Variants in PIK3C2A observed in about 807,000 individuals in gnomAD.
PIK3C2A encodes the protein phosphatidylinositol-4-phosphate 3-kinase catalytic subunit type 2 alpha.
A neutral mutation model predicts 204.5 loss-of-function variants in PIK3C2A; 97 were observed. The ratio of observed to expected loss-of-function variants is 0.47; its 90% CI spans 0.40 to 0.56. The LOEUF is 0.56. Ranked by LOEUF, PIK3C2A falls within the 20% of genes least tolerant of loss-of-function variation. PIK3C2A has a pLI of 0.00. For missense variants in PIK3C2A, 1,735 were observed against 1,969.2 expected, an observed-to-expected ratio of 0.88 and a Z score of 2.25; for synonymous variants, 653 against 664.4, an observed-to-expected ratio of 0.98 and a Z score of 0.26.
At chr11:17,133,885 G>A (rs34941502) in intron 11 of PIK3C2A, among the ~76,000 whole-genome samples, 35,897 of 151,494 alleles carry the variant, frequency 0.24, 5,296 homozygotes, top group East Asian at 0.38. Flanking sequence ...CCGAGATCAC[G>A]CCACTGCACT....
intron 19 of PIK3C2A, among the ~76,000 whole-genome samples, chr11:17,115,145 T>C (rs1192306802): frequency 6.6e-6 from 1 of 152,140 alleles, no homozygotes; most frequent in East Asian, 1.9e-4. Flanking sequence ...AAATTGCAAG[T>C]GTCCCCTGAA....
chr11:17,115,699 T>A (rs1849162011), intron 19 of PIK3C2A: 1 of 152,166 alleles, frequency 6.6e-6, no homozygotes. Context: ...CATCGTAGTG[T>A]AGGGGGCATG....
chr11:17,191,548 A>C (rs1851944786), intron 1 of PIK3C2A, among the ~76,000 whole-genome samples: 1 of 152,196 alleles, frequency 6.6e-6, no homozygotes, highest in Non-Finnish European at 1.5e-5. Context: ...CCAACATTTG[A>C]GACCCTCTTG....
intron 23 of PIK3C2A, among the ~76,000 whole-genome samples, chr11:17,103,505 A>G (rs960040597): frequency 1.3e-5 from 2 of 152,178 alleles, no homozygotes; most frequent in East Asian, 1.9e-4. Context: ...TGACTTGCCC[A>G]TGTAGTTAAT....
chr11:17,138,659 GTTAGTAAATATTTTAGGCT>G (rs1849957023), intron 8 of PIK3C2A, among the ~76,000 whole-genome samples: 1 of 152,186 alleles, frequency 6.6e-6, no homozygotes, highest in Admixed American at 6.5e-5. Context: ...TAAAAGGCCA[GTTAGTAAATATTTTAGGCT>G]TTGTGGGCCA....
chr11:17,152,345 A>C (rs1310763068), intron 3 of PIK3C2A, among the ~76,000 whole-genome samples: 1 of 152,140 alleles, frequency 6.6e-6, no homozygotes, highest in Non-Finnish European at 1.5e-5. Context: ...ATTTCTTCTA[A>C]TCCATGGTTT....
At chr11:17,118,445 A>G (rs1382619564) in intron 18 of PIK3C2A, among the ~76,000 whole-genome samples, 200 bp downstream of exon 18, 1 of 152,182 alleles carries the variant, frequency 6.6e-6, no homozygotes, top group Non-Finnish European at 1.5e-5. Context: ...TTACAGAGCT[A>G]TAAGACACCA....
intron 15 of PIK3C2A, 151 bp downstream of exon 15, chr11:17,122,037 A>G (rs1849382412): frequency 2.1e-6 from 1 of 485,186 alleles, no homozygotes; most frequent in African/African-American, 2.0e-5. Context: ...TTAAAAAAAA[A>G]AAAAAGGAAA....
intron 2 of PIK3C2A, among the ~76,000 whole-genome samples, chr11:17,159,291 C>A (rs1439306468): frequency 6.6e-6 from 1 of 152,210 alleles, no homozygotes; most frequent in Non-Finnish European, 1.5e-5. Flanking sequence ...GCAATCCTCA[C>A]ACTGTATAAC....
rs1239496150 is a variant in PIK3C2A, at chr11:17,100,251, G to T, written c.4009-282C>A. 3.0e-4 allele frequency among the ~76,000 whole-genome samples: 13 copies of T among 43,888 alleles called. 1 individual carries two copies. In the South Asian group the frequency reaches 0.013, roughly 45 times the overall value. 28.8% of individuals were successfully genotyped at this position (43,888 alleles called of 152,430 possible). ...TGTCTAGGCTCTTTTTTTGGGGGCG[G>T]GGGGGGGGGGCAGGGAGCCGGGTGC... is the stretch of plus-strand genomic sequence containing the variant. On this transcript the variant is annotated intron_variant, in intron 25 of 32. Coordinates refer to ENST00000691414, the MANE Select transcript of PIK3C2A (RefSeq NM_002645.4).
intron 8 of PIK3C2A, among the ~76,000 whole-genome samples, chr11:17,138,623 A>G (rs1362618895): frequency 6.6e-6 from 1 of 152,118 alleles, no homozygotes; most frequent in African/African-American, 2.4e-5. Context: ...TGGACCCCTT[A>G]GAGTAGGGTT....
intron 1 of PIK3C2A, among the ~76,000 whole-genome samples, chr11:17,177,040 G>C (rs1008593100): frequency 2.0e-5 from 3 of 152,076 alleles, no homozygotes; most frequent in African/African-American, 7.2e-5. Flanking sequence ...AATCTGCTCA[G>C]TCTCACAGCA....
At chr11:17,203,277 G>C (rs1243179922) in intron 1 of PIK3C2A, among the ~76,000 whole-genome samples, 1 of 151,614 alleles carries the variant, frequency 6.6e-6, no homozygotes, top group Non-Finnish European at 1.5e-5. Context: ...AGGATCGCTT[G>C]AGGCCAGGAG....
chr11:17,091,200 T>C, intron 32 of PIK3C2A, 134 bp downstream of exon 32: 2 of 716,018 alleles, frequency 2.8e-6, no homozygotes, highest in Non-Finnish European at 4.6e-6. Flanking sequence ...GATAGGTTGA[T>C]AGGTATGCAG....
At chr11:17,103,933 C>T (rs1313009028) in intron 23 of PIK3C2A, among the ~76,000 whole-genome samples, 1 of 152,190 alleles carries the variant, frequency 6.6e-6, no homozygotes, top group Non-Finnish European at 1.5e-5. Context: ...TTGGCTTCTG[C>T]TGCACTGCTT....
chr11:17,104,248 T>C (rs1848731932), intron 23 of PIK3C2A, among the ~76,000 whole-genome samples: 1 of 152,094 alleles, frequency 6.6e-6, no homozygotes. Context: ...AAACAGAAAA[T>C]TGATGTTTCC....
At chr11:17,201,364 T>C (rs574136991) in intron 1 of PIK3C2A, among the ~76,000 whole-genome samples, 1 of 150,906 alleles carries the variant, frequency 6.6e-6, no homozygotes, top group African/African-American at 2.4e-5. Context: ...CCATCTCTAC[T>C]AAAAATACAA....
chr11:17,147,640 T>A lies in PIK3C2A; in HGVS notation c.1449-12A>T, dbSNP rs919492769. The A allele has an allele frequency of 7.4e-7, 1 of 1,348,042 alleles. No homozygotes were observed. The highest frequency in any genetic ancestry group is 1.1e-6 in the Non-Finnish European group (1 of 940,898). The allele number at this position is 1,348,042 out of a possible 1,614,324, so 83.5% of individuals were successfully genotyped here. On this transcript the variant is annotated splice_polypyrimidine_tract_variant and intron_variant, in intron 5 of 32. Transcript: ENST00000691414. ...CAAGGCAATGATTACTGTTAAGATA[T>A]ATTAATTATTCACTATTCTATTCAA...
Position 17,168,707 on chromosome 11 carries a change from C to T in PIK3C2A, c.1035G>A (p.Gln345=), listed in dbSNP as rs1267810242. 2 of 1,595,332 alleles carry T rather than the reference C, an allele frequency of 1.3e-6. No homozygotes were observed. The highest frequency in any genetic ancestry group is 1.7e-6 in the Non-Finnish European group (2 of 1,171,586). ...RSQSLNIRTT[Q]LAKAQGHISQ... is the part of the protein sequence containing the mutation. ...ATATATGGCCCTGGGCTTTTGCAAG[C>T]TGAGTTGTTCGAATATTTAAAGACT... Residue 345 remains glutamine, a synonymous_variant, in exon 2 of 33, where the codon CAG becomes CAA. Coordinates refer to ENST00000691414, the MANE Select transcript of PIK3C2A (RefSeq NM_002645.4).
Sources: allele counts gnomAD v4.1 joint callset (sites outside exome capture counted in the v4.1 genomes callset), GRCh38; gene constraint gnomAD v4.1.1; transcripts MANE v1.5; gene names NCBI Gene and HGNC (gene_info 2026-07-23, HGNC 2026-07-21).